RMDN2: variants seen among roughly 807,000 people sequenced by gnomAD.
The protein encoded by RMDN2 is regulator of microtubule dynamics protein 2.
A neutral mutation model predicts 52.8 loss-of-function variants in RMDN2; 61 were observed. The observed-to-expected ratio is 1.16, with a 90% CI of 0.94 to 1.43. The LOEUF is 1.43. Ranked by LOEUF, RMDN2 falls within the 40% of genes most tolerant of loss-of-function variation. RMDN2 has a pLI of 0.00. For missense variants in RMDN2, 592 were observed against 475.3 expected, an observed-to-expected ratio of 1.25 and a Z score of -2.28; for synonymous variants, 180 against 153.1, an observed-to-expected ratio of 1.18 and a Z score of -1.30.
intron 2 of RMDN2, among the ~76,000 whole-genome samples, chr2:37,971,537 T>C (rs1671808363): frequency 6.6e-6 from 1 of 152,216 alleles, no homozygotes; most frequent in Admixed American, 6.5e-5. Context: ...TATCCAGTTA[T>C]GTTTTTTAAA....
At chr2:37,926,491 A>T (rs192369773) in intron 1 of RMDN2, among the ~76,000 whole-genome samples, 1 of 152,208 alleles carries the variant, frequency 6.6e-6, no homozygotes, top group African/African-American at 2.4e-5. Context: ...GTCATTTTCC[A>T]TTGTTATTTA....
At chr2:38,066,800 ACTTATT>A in intron 10 of RMDN2, 1 of 575,356 alleles carries the variant, frequency 1.7e-6, no homozygotes. Flanking sequence ...TATTTCCTTC[ACTTATT>A]CTTAACTGTC....
intron 2 of RMDN2, among the ~76,000 whole-genome samples, chr2:37,929,964 T>G (rs201528886): frequency 6.6e-6 from 1 of 152,218 alleles, no homozygotes. Context: ...GGTGGTATTA[T>G]GTGAATATTG....
intron 2 of RMDN2, among the ~76,000 whole-genome samples, chr2:37,941,195 C>A (rs1240515724): frequency 6.6e-6 from 1 of 152,180 alleles, no homozygotes. Context: ...CCACTGTAGA[C>A]CCTGTTTGCC....
At chr2:37,987,849 A>G (rs1674240211) in intron 5 of RMDN2, among the ~76,000 whole-genome samples, 1 of 151,466 alleles carries the variant, frequency 6.6e-6, no homozygotes, top group African/African-American at 2.4e-5. Flanking sequence ...ACCTGAGGTC[A>G]GGAGTTCGAG....
chr2:37,985,378 T>TTTTATTTA (rs1553368273), intron 5 of RMDN2, among the ~76,000 whole-genome samples: 4 of 151,496 alleles, frequency 2.6e-5, no homozygotes, highest in African/African-American at 9.7e-5. Context: ...ATGATCTGTT[T>TTTTATTTA]TTTATTTATT....
chr2:38,018,613 G>T (rs1160439573), downstream of RMDN2, among the ~76,000 whole-genome samples: 2 of 152,198 alleles, frequency 1.3e-5, no homozygotes, highest in Non-Finnish European at 2.9e-5. Context: ...GTCAAAAATA[G>T]TACATACATA....
intron 10 of RMDN2, among the ~76,000 whole-genome samples, chr2:38,051,791 C>A (rs1681617644): frequency 6.6e-6 from 1 of 152,138 alleles, no homozygotes; most frequent in African/African-American, 2.4e-5. Context: ...TCTTTCTGTG[C>A]CTGACTGATT....
chr2:37,946,581 A>C lies in RMDN2; in HGVS notation c.452+16852A>C, dbSNP rs556855923. On this transcript the variant is annotated intron_variant, in intron 2 of 10. Coordinates refer to ENST00000354545, the MANE Select transcript of RMDN2 (RefSeq NM_001170791.3). The stretch of plus-strand genomic sequence containing the variant: ...TTAATGATGAATGAACATGTGAAGG[A>C]AGAAAGTTTGGAAGAGCAGGTGTGG... 7.9e-5 allele frequency among the ~76,000 whole-genome samples: 12 copies of C among 152,328 alleles called. 1 individual carries two copies. The South Asian group carries it at 2.1e-3, about 26-fold the overall frequency.
At chr2:38,053,055 T>C (rs1285588678) in intron 10 of RMDN2, among the ~76,000 whole-genome samples, 3 of 152,230 alleles carry the variant, frequency 2.0e-5, no homozygotes, top group Non-Finnish European at 2.9e-5. Flanking sequence ...TAATCTCAGC[T>C]GCATCTTAAT....
intron 2 of RMDN2, among the ~76,000 whole-genome samples, chr2:37,960,151 A>G (rs183160377): frequency 3.7e-4 from 57 of 152,278 alleles, no homozygotes; most frequent in African/African-American, 1.1e-3. Context: ...GTAGATGTCT[A>G]TTAGGTCCTC....
chr2:38,057,339 A>G (rs537635791), intron 10 of RMDN2, among the ~76,000 whole-genome samples: 1 of 152,262 alleles, frequency 6.6e-6, no homozygotes, highest in African/African-American at 2.4e-5. Context: ...GTGCTCCAAC[A>G]TAACTTTATT....
chr2:38,041,246 G>T (rs1343008459), intron 10 of RMDN2, among the ~76,000 whole-genome samples: 1 of 152,084 alleles, frequency 6.6e-6, no homozygotes, highest in Non-Finnish European at 1.5e-5. Flanking sequence ...AATGCACACT[G>T]TATCTACTAC....
At chr2:37,974,465 G>A (rs1208755670) in intron 3 of RMDN2, among the ~76,000 whole-genome samples, 1 of 115,330 alleles carries the variant, frequency 8.7e-6, no homozygotes, top group African/African-American at 2.8e-5. Context: ...CTATAATTAC[G>A]CAGATTTACT....
At chr2:38,065,273 A>C (rs1682224289) in intron 10 of RMDN2, among the ~76,000 whole-genome samples, 2 of 152,190 alleles carry the variant, frequency 1.3e-5, no homozygotes, top group Non-Finnish European at 2.9e-5. Flanking sequence ...ACAATAATAC[A>C]AATTTTGCTG....
downstream of RMDN2, among the ~76,000 whole-genome samples, chr2:38,020,484 G>A (rs1306954087): frequency 6.6e-6 from 1 of 152,232 alleles, no homozygotes; most frequent in East Asian, 1.9e-4. Context: ...GCCGGAGCCG[G>A]CTCCCTCAGC....
downstream of RMDN2, among the ~76,000 whole-genome samples, chr2:38,018,414 A>G (rs547200806): frequency 6.6e-6 from 1 of 152,364 alleles, no homozygotes; most frequent in East Asian, 1.9e-4. Context: ...TTAGTCATGG[A>G]AATAATCATA....
intron 6 of RMDN2, among the ~76,000 whole-genome samples, chr2:37,990,731 C>T (rs1471640660): frequency 1.3e-5 from 2 of 152,102 alleles, no homozygotes; most frequent in African/African-American, 2.4e-5. Flanking sequence ...TAGCTCAATA[C>T]ATAACCCCTC....
chr2:38,000,437 C>A (rs1676162294), intron 8 of RMDN2, among the ~76,000 whole-genome samples: 1 of 152,170 alleles, frequency 6.6e-6, no homozygotes, highest in African/African-American at 2.4e-5. Context: ...CCACTGTAAC[C>A]ACCACCATTT....
Sources: allele counts gnomAD v4.1 joint callset (sites outside exome capture counted in the v4.1 genomes callset), GRCh38; gene constraint gnomAD v4.1.1; transcripts MANE v1.5; gene names NCBI Gene and HGNC (gene_info 2026-07-23, HGNC 2026-07-21).